Variants in STOX2 observed in about 807,000 individuals in gnomAD.
The protein encoded by STOX2 is storkhead-box protein 2.
A neutral mutation model predicts 60.9 loss-of-function variants in STOX2; 28 were observed. That is an observed-to-expected ratio of 0.46 (90% CI 0.34 to 0.63). STOX2 has a LOEUF of 0.63. Among genes scored for constraint, STOX2 ranks in the 30% least tolerant of loss-of-function variants. STOX2 has a pLI of 0.01. For synonymous variants in STOX2, 472 were observed against 463.9 expected, an observed-to-expected ratio of 1.02 and a Z score of -0.22; for missense variants, 1,024 against 1,187.7, an observed-to-expected ratio of 0.86 and a Z score of 2.03.
At chr4:183,941,701 G>A (rs1020911600) in intron 1 of STOX2, among the ~76,000 whole-genome samples, 5 of 152,216 alleles carry the variant, frequency 3.3e-5, no homozygotes, top group African/African-American at 9.6e-5. Context: ...CACGTGCCTG[G>A]CACACAGTCA....
At chr4:183,959,958 A>G (rs1367097903) in intron 1 of STOX2, among the ~76,000 whole-genome samples, 1 of 152,212 alleles carries the variant, frequency 6.6e-6, no homozygotes, top group Non-Finnish European at 1.5e-5. Flanking sequence ...ATTGGAAAAA[A>G]AAATAGAGAC....
intron 1 of STOX2, among the ~76,000 whole-genome samples, chr4:183,866,694 A>T (rs1740574950): frequency 6.6e-6 from 1 of 152,128 alleles, no homozygotes; most frequent in Non-Finnish European, 1.5e-5. Flanking sequence ...GTGTTTCTAA[A>T]ACTTCAACAC....
intron 1 of STOX2, among the ~76,000 whole-genome samples, chr4:183,986,460 C>T (rs774555101): frequency 6.6e-6 from 1 of 152,200 alleles, no homozygotes; most frequent in Non-Finnish European, 1.5e-5. Context: ...AAAGGGGGGA[C>T]CCCAGGAGGG....
At chr4:183,961,579 A>C (rs190795989) in intron 1 of STOX2, among the ~76,000 whole-genome samples, 1 of 152,314 alleles carries the variant, frequency 6.6e-6, no homozygotes, top group Non-Finnish European at 1.5e-5. Context: ...TTAATGTTTT[A>C]GATTCAGCGG....
chr4:183,818,571 C>T (rs1057287825), intron 1 of STOX2, among the ~76,000 whole-genome samples: 9 of 152,268 alleles, frequency 5.9e-5, no homozygotes, highest in East Asian at 1.9e-4. Flanking sequence ...TCGACAAAAC[C>T]GCCATCGTCA....
chr4:183,881,015 A>C (rs1457597114), intron 1 of STOX2, among the ~76,000 whole-genome samples: 2 of 152,208 alleles, frequency 1.3e-5, no homozygotes, highest in Non-Finnish European at 2.9e-5. Context: ...CATTCTCTAA[A>C]TATAATCAAC....
At chr4:183,952,001 C>T (rs1364260282) in intron 1 of STOX2, among the ~76,000 whole-genome samples, 1 of 152,166 alleles carries the variant, frequency 6.6e-6, no homozygotes, top group Non-Finnish European at 1.5e-5. Context: ...TGCTCTCTCC[C>T]TCTAGCCTTT....
intron 1 of STOX2, among the ~76,000 whole-genome samples, chr4:183,807,218 C>T (rs1253479505): frequency 1.3e-5 from 2 of 152,148 alleles, no homozygotes; most frequent in African/African-American, 2.4e-5. Context: ...GTGATCTGCC[C>T]GTCTTGGCCT....
chr4:183,888,833 C>T (rs371993025), intron 1 of STOX2, among the ~76,000 whole-genome samples: 1 of 152,042 alleles, frequency 6.6e-6, no homozygotes. Context: ...TGCTCAAACC[C>T]GCAATTATGC....
Position 184,020,655 on chromosome 4 carries a change from C to A in STOX2, c.*3371C>A, listed in dbSNP as rs181084913. 1 of 146,680 alleles carries A rather than the reference C, an allele frequency of 6.8e-6. No homozygotes were observed. Among genetic ancestry groups the A allele is most frequent in the African/African-American group, 2.6e-5 (1 of 38,670 alleles). The allele number at this position is 146,680 out of a possible 1,614,324, so 9.1% of individuals were successfully genotyped here. A position where few individuals can be genotyped will look rare whatever the true frequency, so the allele number is the denominator to read the frequency against. On this transcript the variant is annotated 3_prime_UTR_variant, in exon 4 of 4. Transcript: ENST00000308497. ...ATTCCATTATATATATTTTGCACAT[C>A]TCAGGGGACCATAATGAACATATGA...
chr4:183,998,917 G>A (rs189073423), intron 1 of STOX2, among the ~76,000 whole-genome samples: 26 of 152,250 alleles, frequency 1.7e-4, no homozygotes, highest in African/African-American at 5.8e-4. Flanking sequence ...CGCTTTAAGA[G>A]GTGGCCGGAC....
Position 183,821,235 on chromosome 4 carries a change from A to G in STOX2, c.364+23180A>G, listed in dbSNP as rs1739296990. On this transcript the variant is annotated intron_variant, in intron 1 of 2. Coordinates refer to the STOX2 transcript ENST00000513034. This position sits in a 1 kb window ranked among gnomAD's most constrained non-coding sequence, Gnocchi z 4.2. ...ACTTAATTTTGCTCTTGAATTGTAC[A>G]CAGAGGCTTGGTGAGAACCCTCCCT... 6.6e-6 allele frequency among the ~76,000 whole-genome samples: 1 copy of G among 152,224 alleles called. No individual in the cohort carries two copies. Among genetic ancestry groups the G allele is most frequent in the Non-Finnish European group, 1.5e-5 (1 of 68,040 alleles).
chr4:183,940,232 G>A (rs930716553), intron 1 of STOX2, among the ~76,000 whole-genome samples: 1 of 151,956 alleles, frequency 6.6e-6, no homozygotes, highest in East Asian at 1.9e-4. Context: ...AAATCAAGAC[G>A]CCCGGGTTCC....
intron 1 of STOX2, among the ~76,000 whole-genome samples, chr4:183,888,114 T>G (rs544000843): frequency 2.1e-4 from 32 of 152,280 alleles, no homozygotes; most frequent in African/African-American, 7.0e-4. Flanking sequence ...ATGTGTATCT[T>G]TCTACCCTAC....
Position 184,010,863 on chromosome 4 carries a change from C to A in STOX2, c.2025C>A (p.Ile675=). Residue 675 remains isoleucine, a synonymous_variant, in exon 3 of 4, where the codon ATC becomes ATA. Transcript: ENST00000308497. This position sits in a 1 kb window ranked among gnomAD's most constrained non-coding sequence, Gnocchi z 4.5. ...CTTCGGGAGGAGTGGCTGAAGGGAT[C>A]GCCAACGGACGCCTCGTCCAGCACC... is the stretch of plus-strand genomic sequence containing the variant. ...PAASGGVAEG[I]ANGRLVQHHG... 1.2e-6 allele frequency: 2 copies of A among 1,607,482 alleles called. No homozygotes were observed. Among genetic ancestry groups the A allele is most frequent in the African/African-American group, 1.3e-5 (1 of 74,944 alleles).
Position 183,825,156 on chromosome 4 carries a change from C to T in STOX2, c.364+27101C>T, listed in dbSNP as rs570240412. Among the ~76,000 whole-genome samples, 3 of 152,298 alleles carry T rather than the reference C, an allele frequency of 2.0e-5. No homozygotes were observed. The South Asian group carries it at 6.2e-4, about 32-fold the overall frequency. On this transcript the variant is annotated intron_variant, in intron 1 of 2. Coordinates refer to the STOX2 transcript ENST00000513034. The surrounding 1 kb of genome is among the most constrained non-coding windows in gnomAD (Gnocchi z 4.1). Reference sequence around the variant, plus strand: ...TAGGACTGAGCATCCAAGGTCACCCCATGGTGTCAGGAGGTCGTGGTGGAT... The same window carrying T: ...TAGGACTGAGCATCCAAGGTCACCCTATGGTGTCAGGAGGTCGTGGTGGAT...
intron 1 of STOX2, among the ~76,000 whole-genome samples, chr4:183,867,815 AC>A (rs1159228481): frequency 6.6e-6 from 1 of 152,230 alleles, no homozygotes; most frequent in African/African-American, 2.4e-5. Context: ...CCTGAAAGGT[AC>A]CTCACAGCCC....
intron 1 of STOX2, among the ~76,000 whole-genome samples, chr4:183,919,819 G>C (rs1023810563): frequency 2.0e-5 from 3 of 152,094 alleles, no homozygotes; most frequent in African/African-American, 4.8e-5. Flanking sequence ...ACCCAGGCTG[G>C]TTTCAAACTC....
rs115223881 is a variant in STOX2 at position 184,017,773 on chromosome 4, C to T, written c.*489C>T. ...CTAAGCTACCACGAAATGTCAAATGCAAGGGTCCACCTTGAGGGAAATAGA... is the reference window on the plus strand; with the variant it reads ...CTAAGCTACCACGAAATGTCAAATGTAAGGGTCCACCTTGAGGGAAATAGA... On this transcript the variant is annotated 3_prime_UTR_variant, in exon 4 of 4. Coordinates refer to ENST00000308497, the MANE Select transcript of STOX2 (RefSeq NM_020225.3). The T allele has an allele frequency of 0.029, 4,302 of 149,990 alleles. 82 individuals carry two copies. Among genetic ancestry groups the T allele is most frequent in the Admixed American group, 0.059 (890 of 15,096 alleles). 9.3% of individuals were successfully genotyped at this position (149,990 alleles called of 1,614,324 possible). A position where few individuals can be genotyped will look rare whatever the true frequency, so the allele number is the denominator to read the frequency against.
Sources: gnomAD v4.1 joint callset for allele counts (sites outside exome capture counted in the v4.1 genomes callset) on GRCh38, gnomAD v4.1.1 for gene constraint, Gnocchi (gnomAD v3.1) non-coding constraint, MANE v1.5 for transcripts, NCBI Gene and HGNC (gene_info 2026-07-23, HGNC 2026-07-21) for gene names.